DYNC1I2: variants seen among roughly 807,000 people sequenced by gnomAD.
DYNC1I2 encodes dynein cytoplasmic 1 intermediate chain 2, also known as cytoplasmic dynein 1 intermediate chain 2.
In DYNC1I2, 53 loss-of-function variants were observed where a neutral mutation model predicts 88.6. The observed-to-expected ratio is 0.60, with a 90% CI of 0.48 to 0.75. The LOEUF (loss-of-function observed/expected upper bound fraction) is 0.75. Ranked by LOEUF, DYNC1I2 falls within the 30% of genes least tolerant of loss-of-function variation. The probability of loss-of-function intolerance (pLI) is 0.00; values close to 1 mark genes in which losing one functional copy is unlikely to be tolerated. For missense variants in DYNC1I2, 458 were observed against 766.6 expected (o/e 0.60, Z 4.75); for synonymous variants, 198 against 254.6 (o/e 0.78, Z 2.12).
chr2:171,735,936 A>T (rs1170588335), intron 15 of DYNC1I2, among the ~76,000 whole-genome samples: 1 of 152,216 alleles, frequency 6.6e-6, no homozygotes, highest in Admixed American at 6.5e-5. Flanking sequence ...GACGAAGTTA[A>T]GATTGTTAAT....
chr2:171,735,348 C>T (rs879738666), intron 15 of DYNC1I2, among the ~76,000 whole-genome samples: 3 of 152,194 alleles, frequency 2.0e-5, no homozygotes, highest in Non-Finnish European at 2.9e-5. Flanking sequence ...ACAGGCTGAG[C>T]ACCCTAATCT....
At position 171,688,978 on chromosome 2, in the gene DYNC1I2, C is replaced by CT. The variant is rs569525358; in HGVS notation, c.-9-1168dup. Among the ~76,000 whole-genome samples, 161 of 152,168 alleles carry CT rather than the reference C, an allele frequency of 1.1e-3. 1 individual carries two copies. The highest frequency in any genetic ancestry group is 3.6e-3 in the African/African-American group (150 of 41,514). Reference sequence around the variant, plus strand: ...GGAGAAGGTAAGGAGTTCCTGGCTCCTGCCTTATGCTCAGCTGCTAGGCTA... The same window carrying CT: ...GGAGAAGGTAAGGAGTTCCTGGCTCCTTGCCTTATGCTCAGCTGCTAGGCTA... On this transcript the variant is annotated intron_variant, in intron 1 of 17. Transcript: ENST00000397119.
In DYNC1I2 at chr2:171,745,913, T is replaced by C. The variant is rs1689745775; in HGVS notation, c.1789T>C (p.Tyr597His). ...VGDSEGQIVI[Y>H]DVGEQIAVPR... is the part of the protein sequence containing the mutation. The stretch of plus-strand genomic sequence containing the variant: ...TGATTCTGAAGGACAGATTGTTATA[T>C]ACGATGTGGGAGAGGTATGGGACTC... The change falls in exon 17 of 18, where the codon TAC (tyrosine) becomes CAC (histidine). Residue 597 changes from tyrosine to histidine, a missense_variant. Coordinates refer to ENST00000397119, the MANE Select transcript of DYNC1I2 (RefSeq NM_001378.3). The C allele has an allele frequency of 6.2e-7, 1 of 1,613,810 alleles. No individual in the cohort carries two copies. The highest frequency in any genetic ancestry group is 8.5e-7 in the Non-Finnish European group (1 of 1,179,758).
At chr2:171,740,397 G>C (rs1266898532) in intron 15 of DYNC1I2, among the ~76,000 whole-genome samples, 1 of 152,162 alleles carries the variant, frequency 6.6e-6, no homozygotes, top group African/African-American at 2.4e-5. Context: ...TAAAATCCAT[G>C]ACTTACGTTT....
intron 12 of DYNC1I2, 139 bp downstream of exon 12, chr2:171,728,106 G>C: frequency 8.9e-7 from 1 of 1,121,790 alleles, no homozygotes; most frequent in Non-Finnish European, 1.2e-6. Context: ...AACCAAGAAT[G>C]AAGGCTATTT....
intron 14 of DYNC1I2, 46 bp downstream of exon 14, chr2:171,728,896 A>T: frequency 6.4e-7 from 1 of 1,551,430 alleles, no homozygotes; most frequent in Non-Finnish European, 8.7e-7. Flanking sequence ...TCCTCCTTTA[A>T]TCCCATTGAA....
Position 171,716,772 on chromosome 2 carries a change from G to C in DYNC1I2, c.511+1329G>C, listed in dbSNP as rs182268529. 1.6e-4 allele frequency among the ~76,000 whole-genome samples: 24 copies of C among 152,114 alleles called. No homozygotes were observed. In the East Asian group the frequency reaches 2.9e-3, roughly 19 times the overall value. ...ACTACAAAAATTAGCCGAGCGTGGT[G>C]GTGGGTGCCTGTAATCCCAACTACT... On this transcript the variant is annotated intron_variant, in intron 7 of 17. Coordinates refer to ENST00000397119, the MANE Select transcript of DYNC1I2 (RefSeq NM_001378.3).
At chr2:171,740,121 C>T (rs1197068266) in intron 15 of DYNC1I2, among the ~76,000 whole-genome samples, 2 of 152,008 alleles carry the variant, frequency 1.3e-5, no homozygotes, top group African/African-American at 4.8e-5. Context: ...TCAAGTTGGT[C>T]CTGTAGGGTT....
At chr2:171,719,119 T>C (rs760490314) in intron 7 of DYNC1I2, among the ~76,000 whole-genome samples, 7 of 152,162 alleles carry the variant, frequency 4.6e-5, no homozygotes, top group Non-Finnish European at 8.8e-5. Flanking sequence ...GATTATCCTT[T>C]CTTTGGATTT....
chr2:171,736,445 C>T (rs1689014239), intron 15 of DYNC1I2, among the ~76,000 whole-genome samples: 1 of 152,212 alleles, frequency 6.6e-6, no homozygotes, highest in South Asian at 2.1e-4. Flanking sequence ...GCCTGACCAG[C>T]TCATTGTTTC....
rs61391489 is a variant in DYNC1I2, at chr2:171,697,853, CAAGAAAAGAAAAGAA to C, written c.226+4980_226+4994del. Among the ~76,000 whole-genome samples, 106 of 149,288 alleles carry C rather than the reference CAAGAAAAGAAAAGAA, an allele frequency of 7.1e-4. 3 individuals are homozygous for C. The East Asian group carries it at 0.015, about 21-fold the overall frequency. On this transcript the variant is annotated intron_variant, in intron 3 of 17. Transcript: ENST00000397119. ...TGAGCGACACAGCAAGACCCTATCT[CAAGAAAAGAAAAGAA>C]AAGAAAAGAAAAGAAAAGAAGCTTG... is the stretch of plus-strand genomic sequence containing the variant.
At chr2:171,708,660 G>T (rs1271540613) in intron 5 of DYNC1I2, among the ~76,000 whole-genome samples, 1 of 151,748 alleles carries the variant, frequency 6.6e-6, no homozygotes, top group Non-Finnish European at 1.5e-5. Context: ...CATATTTTGT[G>T]CTTCTATATT....
At position 171,728,779 on chromosome 2, in the gene DYNC1I2, T is replaced by C. The variant is rs1299604834; in HGVS notation, c.1320T>C (p.Pro440=). Residue 440 remains proline (P), a synonymous_variant, in exon 14 of 18, where the codon CCT becomes CCC. Transcript: ENST00000397119. The stretch of plus-strand genomic sequence containing the variant: ...TAGCTGTGACATCTATGTCCTTCCC[T>C]GTTGGAGATGTCAACAACTTTGTTG... ...KAVAVTSMSF[P]VGDVNNFVVG... is the part of the protein sequence containing the mutation. 6.2e-7 allele frequency: 1 copy of C among 1,610,454 alleles called. No individual in the cohort carries two copies. Among genetic ancestry groups the C allele is most frequent in the Non-Finnish European group, 8.5e-7 (1 of 1,178,254 alleles).
At chr2:171,739,256 A>C (rs980436778) in intron 15 of DYNC1I2, among the ~76,000 whole-genome samples, 4 of 152,162 alleles carry the variant, frequency 2.6e-5, no homozygotes, top group African/African-American at 9.7e-5. Context: ...TTTGGTTTTT[A>C]AATTAAAAAC....
intron 6 of DYNC1I2, among the ~76,000 whole-genome samples, chr2:171,713,791 A>C (rs1687294142): frequency 6.6e-6 from 1 of 152,190 alleles, no homozygotes; most frequent in Non-Finnish European, 1.5e-5. Flanking sequence ...GCATGTAAGA[A>C]AAATATATGA....
intron 7 of DYNC1I2, among the ~76,000 whole-genome samples, chr2:171,722,747 C>CAAAGAT (rs1372546488): frequency 2.6e-5 from 4 of 152,070 alleles, no homozygotes; most frequent in Admixed American, 1.3e-4. Flanking sequence ...TAAGATCAAC[C>CAAAGAT]TTATAGCAAA....
chr2:171,728,976 C>T, intron 14 of DYNC1I2, 126 bp downstream of exon 14: 1 of 1,056,748 alleles, frequency 9.5e-7, no homozygotes, highest in African/African-American at 1.7e-5. Context: ...TTTTTGTGTT[C>T]AGGCACATAA....
chr2:171,707,781 A>G (rs141669167), intron 5 of DYNC1I2, among the ~76,000 whole-genome samples: 161 of 152,286 alleles, frequency 1.1e-3, no homozygotes, highest in Non-Finnish European at 1.8e-3. Flanking sequence ...CAATTCTGTT[A>G]AACAGTTCAA....
intron 17 of DYNC1I2, among the ~76,000 whole-genome samples, chr2:171,747,209 AT>A: frequency 1.5e-5 from 1 of 68,116 alleles, no homozygotes; most frequent in African/African-American, 5.9e-5. Context: ...AAAAAAAATT[AT>A]ATATATATAT....
Sources: allele counts gnomAD v4.1 joint callset (sites outside exome capture counted in the v4.1 genomes callset), GRCh38; gene constraint gnomAD v4.1.1; transcripts MANE v1.5; gene names NCBI Gene and HGNC (gene_info 2026-07-23, HGNC 2026-07-21).